The following TMEM170B variants were observed in gnomAD, a reference collection of about 807,000 sequenced individuals.
TMEM170B encodes transmembrane protein 170B.
Under a neutral mutation model 13.0 loss-of-function variants are expected in TMEM170B, and 6 were observed. The ratio of observed to expected loss-of-function variants is 0.46; its 90% CI spans 0.25 to 0.91. TMEM170B has a LOEUF of 0.91. TMEM170B is among the 40% of genes least tolerant of loss of function. The pLI, the probability that TMEM170B is intolerant of heterozygous loss-of-function variation, is 0.17. For missense variants in TMEM170B, 138 were observed against 165.2 expected (o/e 0.84, Z 0.90); for synonymous variants, 61 against 64.9 (o/e 0.94, Z 0.29).
chr6:11,552,799 G>A (rs569508), intron 1 of TMEM170B, among the ~76,000 whole-genome samples: 1 of 152,190 alleles, frequency 6.6e-6, no homozygotes, highest in African/African-American at 2.4e-5. Context: ...GGATGCAAAG[G>A]CAGTCTGTGC....
chr6:11,560,247 C>A (rs1759644351), intron 1 of TMEM170B, among the ~76,000 whole-genome samples: 1 of 151,774 alleles, frequency 6.6e-6, no homozygotes, highest in Middle Eastern at 3.2e-3. Flanking sequence ...TCACTGCAAG[C>A]TCCACCTCCT....
chr6:11,553,334 G>A (rs1759548769), intron 1 of TMEM170B, among the ~76,000 whole-genome samples: 1 of 152,164 alleles, frequency 6.6e-6, no homozygotes, highest in African/African-American at 2.4e-5. Context: ...AAACATTTTA[G>A]TTATATTAAA....
At chr6:11,555,496 C>G (rs79660546) in intron 1 of TMEM170B, among the ~76,000 whole-genome samples, 1 of 152,040 alleles carries the variant, frequency 6.6e-6, no homozygotes, top group Non-Finnish European at 1.5e-5. Flanking sequence ...AAATTTTCAG[C>G]ATCTTTCCCT....
intron 1 of TMEM170B, among the ~76,000 whole-genome samples, chr6:11,552,982 G>C (rs1358626708): frequency 6.6e-6 from 1 of 152,200 alleles, no homozygotes; most frequent in Non-Finnish European, 1.5e-5. Flanking sequence ...TAGAGCCATA[G>C]GACTTTAGAA....
At chr6:11,546,012 TA>T (rs35584418) in intron 1 of TMEM170B, among the ~76,000 whole-genome samples, 103 of 95,548 alleles carry the variant, frequency 1.1e-3, no homozygotes, top group Middle Eastern at 7.1e-3. Flanking sequence ...ACTCCGTCTT[TA>T]AAAAAAAAAA....
chr6:11,539,359 A>G (rs1227474976), intron 1 of TMEM170B, among the ~76,000 whole-genome samples: 1 of 152,252 alleles, frequency 6.6e-6, no homozygotes, highest in Admixed American at 6.5e-5. Flanking sequence ...AGTTAATTTC[A>G]GTAGAACATT....
chr6:11,549,606 C>A (rs572578400), intron 1 of TMEM170B, among the ~76,000 whole-genome samples: 3 of 150,932 alleles, frequency 2.0e-5, no homozygotes, highest in African/African-American at 7.3e-5. Context: ...GAGCTTGCAG[C>A]GAGCCGAGAT....
chr6:11,572,794 A>C (rs907583649), intron 2 of TMEM170B, among the ~76,000 whole-genome samples: 1 of 152,258 alleles, frequency 6.6e-6, no homozygotes, highest in South Asian at 2.1e-4. Flanking sequence ...ATTTACATAC[A>C]TACCGCATAC....
In TMEM170B at chr6:11,545,292, G is replaced by C. The variant is rs1158866674; in HGVS notation, c.97+6918G>C. ...TCTCTCTCTCTCTCTGTGTGTGTGT[G>C]TGTGTGTGTGTGTGTGTGTAGTACT... On this transcript the variant is annotated intron_variant, in intron 1 of 2. Transcript: ENST00000379426. Among the ~76,000 whole-genome samples, 5 of 151,672 alleles carry C rather than the reference G, an allele frequency of 3.3e-5. No individual in the cohort carries two copies. In the East Asian group the frequency reaches 7.7e-4, roughly 23 times the overall value.
chr6:11,548,928 G>A (rs12173890), intron 1 of TMEM170B, among the ~76,000 whole-genome samples: 1 of 151,106 alleles, frequency 6.6e-6, no homozygotes, highest in Non-Finnish European at 1.5e-5. Context: ...CTGTCATGGG[G>A]TGGGGGGAAG....
At chr6:11,569,766 C>T (rs1759777877) in intron 2 of TMEM170B, among the ~76,000 whole-genome samples, 1 of 152,134 alleles carries the variant, frequency 6.6e-6, no homozygotes, top group Non-Finnish European at 1.5e-5. Flanking sequence ...ATGCCAAACA[C>T]TAAAAAATTC....
intron 2 of TMEM170B, among the ~76,000 whole-genome samples, chr6:11,571,199 T>C (rs1759796944): frequency 6.6e-6 from 1 of 151,594 alleles, no homozygotes; most frequent in Non-Finnish European, 1.5e-5. Flanking sequence ...TCTTTTTCCA[T>C]TTTAGAGATA....
At chr6:11,550,569 A>G (rs1303970327) in intron 1 of TMEM170B, among the ~76,000 whole-genome samples, 1 of 152,198 alleles carries the variant, frequency 6.6e-6, no homozygotes, top group Non-Finnish European at 1.5e-5. Context: ...AAGGAAGGAA[A>G]GTGATGTATT....
Position 11,568,305 on chromosome 6 carries a change from G to T in TMEM170B, c.268+2469G>T, listed in dbSNP as rs567164149. ...TCTAAATTAGTTATTCATTGTGGTG[G>T]CATACAAACAGATATGAAAGGGGCT... On this transcript the variant is annotated intron_variant, in intron 2 of 2. Coordinates refer to ENST00000379426, the MANE Select transcript of TMEM170B (RefSeq NM_001100829.3). Among the ~76,000 whole-genome samples the T allele has an allele frequency of 1.2e-4, 19 of 152,286 alleles. 1 individual carries two copies. In the South Asian group the frequency reaches 3.7e-3, roughly 30 times the overall value.
intron 2 of TMEM170B, among the ~76,000 whole-genome samples, chr6:11,570,889 A>G (rs2113781319): frequency 6.6e-6 from 1 of 152,320 alleles, no homozygotes; most frequent in Middle Eastern, 3.4e-3. Flanking sequence ...GGACACTAAA[A>G]TCAGAATTTC....
chr6:11,579,844 G>A lies in TMEM170B; in HGVS notation c.*4283G>A, dbSNP rs1430232764. 1 of 152,144 alleles carries A rather than the reference G, an allele frequency of 6.6e-6. No individual in the cohort carries two copies. The highest frequency in any genetic ancestry group is 1.9e-4 in the East Asian group (1 of 5,196). The allele number at this position is 152,144 out of a possible 1,614,324, so 9.4% of individuals were successfully genotyped here. A position where few individuals can be genotyped will look rare whatever the true frequency, so the allele number is the denominator to read the frequency against. On this transcript the variant is annotated 3_prime_UTR_variant, in exon 3 of 3. Coordinates refer to ENST00000379426, the MANE Select transcript of TMEM170B (RefSeq NM_001100829.3). ...ATTATTCTTCTTGAAAAGTAAGAGC[G>A]ATATATAACCCTTCAGTCTTCTATA...
At chr6:11,553,453 A>T (rs1328398702) in intron 1 of TMEM170B, among the ~76,000 whole-genome samples, 1 of 152,102 alleles carries the variant, frequency 6.6e-6, no homozygotes, top group Non-Finnish European at 1.5e-5. Flanking sequence ...GTTCTGCTAA[A>T]TTTTTTTCTA....
chr6:11,544,428 A>G (rs1423291940), intron 1 of TMEM170B, among the ~76,000 whole-genome samples: 4 of 152,198 alleles, frequency 2.6e-5, no homozygotes, highest in Admixed American at 2.6e-4. Context: ...TACCCTGGTA[A>G]GTGTTTGCAT....
chr6:11,539,564 T>C (rs1759332001), intron 1 of TMEM170B, among the ~76,000 whole-genome samples: 1 of 152,232 alleles, frequency 6.6e-6, no homozygotes. Context: ...GAATGGAAAC[T>C]ATACAGTTAA....
Sources: gnomAD v4.1 joint callset for allele counts (sites outside exome capture counted in the v4.1 genomes callset) on GRCh38, gnomAD v4.1.1 for gene constraint, MANE v1.5 for transcripts, NCBI Gene and HGNC (gene_info 2026-07-23, HGNC 2026-07-21) for gene names.